The following SLC8A1 variants were observed in gnomAD, a reference collection of about 807,000 sequenced individuals.
The protein encoded by SLC8A1 is solute carrier family 8 member A1.
In SLC8A1, 18 loss-of-function variants were observed where a neutral mutation model predicts 68.3. That is an observed-to-expected ratio of 0.26 (90% CI 0.18 to 0.39). SLC8A1 has a LOEUF of 0.39. Ranked by LOEUF, SLC8A1 falls within the 10% of genes least tolerant of loss-of-function variation. The probability of loss-of-function intolerance (pLI) is 1.00; values close to 1 mark genes in which losing one functional copy is unlikely to be tolerated. For synonymous variants in SLC8A1, 475 were observed against 415.5 expected, an observed-to-expected ratio of 1.14 and a Z score of -1.74; for missense variants, 985 against 1,156.7, an observed-to-expected ratio of 0.85 and a Z score of 2.15.
Position 40,256,148 on chromosome 2 carries a change from C to T in SLC8A1, c.1809-78293G>A, listed in dbSNP as rs551543712. Among the ~76,000 whole-genome samples the T allele has an allele frequency of 5.9e-5, 9 of 152,264 alleles. No homozygotes were observed. In the South Asian group the frequency reaches 6.2e-4, roughly 11 times the overall value. ...GAAATTTCTAAAACCATAAGACACA[C>T]GGCATTTTTACTTGAGTCCTAAAAT... On this transcript the variant is annotated intron_variant, in intron 2 of 7. Transcript: ENST00000406785.
At chr2:40,360,519 G>C (rs190624096) in intron 2 of SLC8A1, among the ~76,000 whole-genome samples, 9 of 152,216 alleles carry the variant, frequency 5.9e-5, no homozygotes, top group African/African-American at 2.2e-4. Flanking sequence ...AGAATGTACT[G>C]TGTGCCAGCC....
exon 2 of SLC8A1, chr2:40,430,120 T>G: frequency 6.2e-7 from 1 of 1,613,838 alleles, no homozygotes; most frequent in Non-Finnish European, 8.5e-7. Context: ...TTTCTTACAG[T>G]AATATGATCC....
At chr2:40,448,535 G>A (rs1280581210) in intron 1 of SLC8A1, among the ~76,000 whole-genome samples, 1 of 152,196 alleles carries the variant, frequency 6.6e-6, no homozygotes, top group Non-Finnish European at 1.5e-5. Context: ...AGTGGAAACA[G>A]CTAGTACAGA....
At chr2:40,102,306 A>G (rs1241245399) in exon 8 of SLC8A1, 1 of 151,738 alleles carries the variant, frequency 6.6e-6, no homozygotes, top group Non-Finnish European at 1.5e-5. Flanking sequence ...GATTATTACC[A>G]TAACAGCTAA....
chr2:40,364,509 CT>C (rs11377656), intron 2 of SLC8A1, among the ~76,000 whole-genome samples: 14 of 148,674 alleles, frequency 9.4e-5, no homozygotes, highest in Non-Finnish European at 2.1e-4. Context: ...AAATTGAATC[CT>C]TTTTTTTTGT....
exon 7 of SLC8A1, chr2:40,139,542 C>A: frequency 6.2e-7 from 1 of 1,614,166 alleles, no homozygotes; most frequent in East Asian, 2.2e-5. Context: ...ATGAAACACG[C>A]CCAGCCATTC....
At chr2:40,300,479 T>C (rs546046595) in intron 2 of SLC8A1, among the ~76,000 whole-genome samples, 1 of 152,310 alleles carries the variant, frequency 6.6e-6, no homozygotes, top group East Asian at 1.9e-4. Context: ...TCTTATTTGT[T>C]TCGTAGGCTG....
intron 2 of SLC8A1, among the ~76,000 whole-genome samples, chr2:40,407,015 C>T (rs1367544000): frequency 1.3e-5 from 2 of 152,070 alleles, no homozygotes; most frequent in Non-Finnish European, 2.9e-5. Context: ...AGGTTCTAGG[C>T]CCAGATCTGC....
chr2:40,383,670 T>C (rs1460297588), intron 2 of SLC8A1, among the ~76,000 whole-genome samples: 1 of 152,086 alleles, frequency 6.6e-6, no homozygotes, highest in Non-Finnish European at 1.5e-5. Flanking sequence ...ACTTAATACA[T>C]AAACAAGTAT....
At chr2:40,423,941 T>C (rs1462859689) in intron 2 of SLC8A1, among the ~76,000 whole-genome samples, 1 of 152,010 alleles carries the variant, frequency 6.6e-6, no homozygotes, top group Non-Finnish European at 1.5e-5. Flanking sequence ...TCTGAAAAGA[T>C]AATCCACTAA....
At chr2:40,441,609 A>C (rs1700500227) in intron 1 of SLC8A1, among the ~76,000 whole-genome samples, 1 of 151,988 alleles carries the variant, frequency 6.6e-6, no homozygotes, top group Non-Finnish European at 1.5e-5. Context: ...CATAAATAAC[A>C]CTACACATCT....
intron 2 of SLC8A1, among the ~76,000 whole-genome samples, chr2:40,421,601 G>A (rs1046588602): frequency 5.3e-5 from 8 of 152,144 alleles, no homozygotes; most frequent in African/African-American, 1.9e-4. Flanking sequence ...GTTATCATGA[G>A]CACCAGCCTG....
At chr2:40,132,153 A>T (rs572766405) in intron 7 of SLC8A1, among the ~76,000 whole-genome samples, 241 of 152,064 alleles carry the variant, frequency 1.6e-3, no homozygotes, top group Non-Finnish European at 3.0e-3. Context: ...AATTTCTTAA[A>T]ACGTTTGTGA....
In SLC8A1 at chr2:40,330,597, C is replaced by G. The variant is rs575873011; in HGVS notation, c.1808+97876G>C. ...ATTCCAAGCAGGGACACACACACAC[C>G]CATCAATAAATTACTATTATAAAGA... is the stretch of plus-strand genomic sequence containing the variant. On this transcript the variant is annotated intron_variant, in intron 2 of 7. Coordinates refer to ENST00000406785, the Ensembl canonical transcript of SLC8A1. 2.0e-5 allele frequency among the ~76,000 whole-genome samples: 3 copies of G among 152,074 alleles called. No homozygotes were observed. In the South Asian group the frequency reaches 6.2e-4, roughly 32 times the overall value.
At chr2:40,233,976 A>T (rs1333405846) in intron 2 of SLC8A1, among the ~76,000 whole-genome samples, 2 of 152,180 alleles carry the variant, frequency 1.3e-5, no homozygotes. Context: ...TGGTATCAGT[A>T]CCATGCTGTT....
upstream of SLC8A1, among the ~76,000 whole-genome samples, chr2:40,454,093 C>T (rs1368403245): frequency 6.6e-6 from 1 of 152,118 alleles, no homozygotes; most frequent in African/African-American, 2.4e-5. Flanking sequence ...TAGAATATGT[C>T]CTCTACCAAA....
chr2:40,484,763 A>T (rs1704848250), intron 1 of SLC8A1, among the ~76,000 whole-genome samples: 1 of 152,196 alleles, frequency 6.6e-6, no homozygotes, highest in African/African-American at 2.4e-5. Flanking sequence ...GGATGCGATA[A>T]GTGCTTCTTT....
intron 2 of SLC8A1, among the ~76,000 whole-genome samples, chr2:40,341,556 C>G (rs545400767): frequency 6.0e-4 from 91 of 152,240 alleles, no homozygotes; most frequent in Middle Eastern, 3.4e-3. Context: ...CATTAAGGAT[C>G]TTTTTGTTAG....
intron 2 of SLC8A1, among the ~76,000 whole-genome samples, chr2:40,345,611 A>G (rs1013953534): frequency 1.3e-5 from 2 of 152,188 alleles, no homozygotes; most frequent in African/African-American, 4.8e-5. Context: ...CTATGAGCCA[A>G]TATACTTTGT....
Sources: gnomAD v4.1 joint callset for allele counts (sites outside exome capture counted in the v4.1 genomes callset) on GRCh38, gnomAD v4.1.1 for gene constraint, MANE v1.5 for transcripts, NCBI Gene and HGNC (gene_info 2026-07-23, HGNC 2026-07-21) for gene names.